MMP20: variants seen among roughly 807,000 people sequenced by gnomAD.
MMP20 encodes matrix metalloproteinase-20.
A neutral mutation model predicts 51.8 loss-of-function variants in MMP20; 50 were observed. The observed-to-expected ratio is 0.97, with a 90% confidence interval of 0.77 to 1.22. MMP20 has a LOEUF of 1.22. Ranked by LOEUF, MMP20 falls within the 50% of genes most tolerant of loss-of-function variation. The pLI, the probability that MMP20 is intolerant of heterozygous loss-of-function variation, is 0.00. For missense variants in MMP20, 663 were observed against 601.4 expected (o/e 1.10, Z -1.07); for synonymous variants, 244 against 216.2 (o/e 1.13, Z -1.13).
rs373917419 is a variant in MMP20 at position 102,616,934 on chromosome 11, G to A, written c.252C>T (p.Thr84=). 2.3e-5 allele frequency: 37 copies of A among 1,614,024 alleles called. No homozygotes were observed. Among genetic ancestry groups the A allele is most frequent in the Non-Finnish European group, 3.0e-5 (35 of 1,180,028 alleles). The part of the protein sequence containing the change: ...ELQAFFGLQV[T]GKLDQTTMNV... Reference sequence around the variant, plus strand: ...TCATTGTGGTCTGGTCTAACTTCCCGGTGACTTGGAGGCCAAAGAACGCTT... The same window carrying A: ...TCATTGTGGTCTGGTCTAACTTCCCAGTGACTTGGAGGCCAAAGAACGCTT... The change falls in exon 2 of 10, where the codon ACC becomes ACT. Residue 84 remains threonine (T), a synonymous_variant. Transcript: ENST00000260228.
At chr11:102,582,938 T>C (rs772916863) in intron 8 of MMP20, among the ~76,000 whole-genome samples, 1 of 152,236 alleles carries the variant, frequency 6.6e-6, no homozygotes, top group Non-Finnish European at 1.5e-5. Flanking sequence ...GGCAGTCTTA[T>C]ATCCTCACAT....
At chr11:102,589,373 G>T (rs1165132925) in intron 8 of MMP20, among the ~76,000 whole-genome samples, 1 of 152,012 alleles carries the variant, frequency 6.6e-6, no homozygotes, top group Non-Finnish European at 1.5e-5. Flanking sequence ...TCTTTGTTTT[G>T]ACCCACTGAT....
chr11:102,584,470 T>C (rs766030780), intron 8 of MMP20, among the ~76,000 whole-genome samples: 6 of 152,172 alleles, frequency 3.9e-5, no homozygotes, highest in Non-Finnish European at 7.4e-5. Flanking sequence ...ATATTTTAAC[T>C]GAGTTATTTT....
At chr11:102,581,099 C>T (rs979932551) in intron 8 of MMP20, among the ~76,000 whole-genome samples, 3 of 151,944 alleles carry the variant, frequency 2.0e-5, no homozygotes, top group Non-Finnish European at 2.9e-5. Context: ...AGCTCTGAGC[C>T]CTGGTTTTTC....
chr11:102,604,842 ACAC>A (rs1413817610), intron 6 of MMP20, among the ~76,000 whole-genome samples: 2 of 152,234 alleles, frequency 1.3e-5, no homozygotes, highest in African/African-American at 4.8e-5. Flanking sequence ...TTATAAATCA[ACAC>A]CACTAGTAAA....
chr11:102,578,177 T>C (rs1247627416), intron 9 of MMP20, among the ~76,000 whole-genome samples: 3 of 151,060 alleles, frequency 2.0e-5, no homozygotes, highest in Non-Finnish European at 4.4e-5. Context: ...AGGGTATCAC[T>C]CTGTTGCCCA....
rs957974032 is a variant in MMP20 at position 102,617,208 on chromosome 11, A to C, written c.127-149T>G. 3 of 971,244 alleles carry C rather than the reference A, an allele frequency of 3.1e-6. No individual in the cohort carries two copies. In the African/African-American group the frequency reaches 4.9e-5, roughly 16 times the overall value. The allele number at this position is 971,244 out of a possible 1,614,324, so 60.2% of individuals were successfully genotyped here. A position where few individuals can be genotyped will look rare whatever the true frequency, so the allele number is the denominator to read the frequency against. On this transcript the variant is annotated intron_variant, in intron 1 of 9. Coordinates refer to ENST00000260228, the MANE Select transcript of MMP20 (RefSeq NM_004771.4). ...GAAAAAAGTAGACATATTTGTTTACATAAAGCTTAGCTATACTCCAAATTA... is the reference window on the plus strand; with the variant it reads ...GAAAAAAGTAGACATATTTGTTTACCTAAAGCTTAGCTATACTCCAAATTA...
intron 1 of MMP20, 118 bp from the exon 2 acceptor site, chr11:102,617,177 A>G: frequency 8.0e-7 from 1 of 1,247,916 alleles, no homozygotes; most frequent in East Asian, 2.4e-5. Context: ...GTATTTTCCC[A>G]TTTATGAAAA....
intron 8 of MMP20, among the ~76,000 whole-genome samples, chr11:102,592,294 A>G (rs17098681): frequency 6.6e-6 from 1 of 152,188 alleles, no homozygotes; most frequent in Admixed American, 6.5e-5. Flanking sequence ...TGGCTTAAAC[A>G]CTGGTCTGGA....
intron 6 of MMP20, among the ~76,000 whole-genome samples, chr11:102,596,145 A>C (rs189997678): frequency 5.2e-4 from 79 of 152,346 alleles, no homozygotes; most frequent in African/African-American, 1.8e-3. Flanking sequence ...GGTGCTACGA[A>C]GAGTTAAGTT....
chr11:102,579,517 G>T (rs990797123), intron 8 of MMP20, among the ~76,000 whole-genome samples: 8 of 151,982 alleles, frequency 5.3e-5, no homozygotes, highest in Non-Finnish European at 8.8e-5. Flanking sequence ...TTGCCATGTT[G>T]CCCAGGCTGG....
At chr11:102,611,378 G>C (rs948047166) in intron 3 of MMP20, among the ~76,000 whole-genome samples, 2 of 152,192 alleles carry the variant, frequency 1.3e-5, no homozygotes, top group African/African-American at 2.4e-5. Context: ...GAGGATTCAT[G>C]GTAGGATATC....
chr11:102,608,439 A>C (rs1255913318), intron 5 of MMP20, among the ~76,000 whole-genome samples: 1 of 152,248 alleles, frequency 6.6e-6, no homozygotes, highest in Non-Finnish European at 1.5e-5. Context: ...CTCAGCTATC[A>C]AATGAGGAAA....
intron 2 of MMP20, among the ~76,000 whole-genome samples, chr11:102,614,174 G>A (rs1363524563): frequency 1.3e-5 from 2 of 152,186 alleles, no homozygotes; most frequent in Non-Finnish European, 2.9e-5. Flanking sequence ...GTTATGATTA[G>A]TCAGGTTTGA....
chr11:102,589,363 T>C (rs1427682336), intron 8 of MMP20, among the ~76,000 whole-genome samples: 1 of 152,172 alleles, frequency 6.6e-6, no homozygotes, highest in East Asian at 1.9e-4. Flanking sequence ...GGCCATTTCC[T>C]CTTTGTTTTG....
chr11:102,584,903 T>C (rs1030925728), intron 8 of MMP20, among the ~76,000 whole-genome samples: 1 of 152,158 alleles, frequency 6.6e-6, no homozygotes, highest in Non-Finnish European at 1.5e-5. Context: ...TGAATGACTT[T>C]ATATCGTTGT....
chr11:102,595,181 C>T (rs553525779), intron 6 of MMP20, among the ~76,000 whole-genome samples: 1 of 152,254 alleles, frequency 6.6e-6, no homozygotes, highest in African/African-American at 2.4e-5. Flanking sequence ...CCTGCCTCGG[C>T]CTCCCAAAGT....
At chr11:102,611,671 A>T in intron 3 of MMP20, 84 bp downstream of exon 3, 1 of 1,525,008 alleles carries the variant, frequency 6.6e-7, no homozygotes, top group Non-Finnish European at 9.0e-7. Flanking sequence ...GGAGTGTGTG[A>T]TCACTCGAAT....
At chr11:102,617,239 G>A (rs552054791) in intron 1 of MMP20, among the ~76,000 whole-genome samples, 180 bp from the exon 2 acceptor site, 2 of 152,274 alleles carry the variant, frequency 1.3e-5, no homozygotes, top group South Asian at 2.1e-4. Flanking sequence ...AATTATTAAC[G>A]ATGATTGGTT....
Sources: allele counts gnomAD v4.1 joint callset (sites outside exome capture counted in the v4.1 genomes callset), GRCh38; gene constraint gnomAD v4.1.1; transcripts MANE v1.5; gene names NCBI Gene and HGNC (gene_info 2026-07-23, HGNC 2026-07-21).